PPP2R2B: variants seen among roughly 807,000 people sequenced by gnomAD.
PPP2R2B encodes serine/threonine-protein phosphatase 2A 55 kDa regulatory subunit B beta isoform.
A neutral mutation model predicts 46.0 loss-of-function variants in PPP2R2B; 5 were observed. The observed-to-expected ratio is 0.11, with a 90% confidence interval of 0.06 to 0.23. The LOEUF (loss-of-function observed/expected upper bound fraction) is 0.23. PPP2R2B is among the 10% of genes least tolerant of loss of function. The pLI is 1.00. For synonymous variants in PPP2R2B, 215 were observed against 206.7 expected (o/e 1.04, Z -0.34); for missense variants, 367 against 575.0 (o/e 0.64, Z 3.70).
At chr5:146,764,552 C>T (rs755528198) in intron 2 of PPP2R2B, among the ~76,000 whole-genome samples, 1 of 152,112 alleles carries the variant, frequency 6.6e-6, no homozygotes, top group Non-Finnish European at 1.5e-5. Context: ...CATCTCTCAG[C>T]TCTCATGCTC....
At chr5:146,637,822 G>C (rs760571741) in intron 7 of PPP2R2B, among the ~76,000 whole-genome samples, 1 of 152,012 alleles carries the variant, frequency 6.6e-6, no homozygotes, top group Non-Finnish European at 1.5e-5. Context: ...GTGCAGTACT[G>C]TGCAGGTTAC....
At chr5:146,967,785 C>T (rs1002014076) in intron 1 of PPP2R2B, among the ~76,000 whole-genome samples, 27 of 152,132 alleles carry the variant, frequency 1.8e-4, no homozygotes, top group Non-Finnish European at 1.0e-4. Flanking sequence ...TCCCAGCCTA[C>T]GGTTACTCTT....
chr5:146,911,466 T>G (rs895342743), intron 1 of PPP2R2B, among the ~76,000 whole-genome samples: 2 of 152,196 alleles, frequency 1.3e-5, no homozygotes, highest in African/African-American at 4.8e-5. Flanking sequence ...TGCCACTAGA[T>G]GCTAAGTTAG....
intron 2 of PPP2R2B, chr5:146,707,466 A>AGCT (rs1246810995): frequency 1.3e-6 from 1 of 754,764 alleles, no homozygotes. Context: ...CCACCCCGGA[A>AGCT]GCTGCTGCTG....
intron 1 of PPP2R2B, chr5:147,054,704 C>CA: frequency 2.2e-6 from 1 of 456,136 alleles, no homozygotes; most frequent in South Asian, 1.5e-5. Context: ...AGGCTGGTCG[C>CA]CAGCTCAGTT....
chr5:147,077,274 A>G (rs1227393515), intron 2 of PPP2R2B, among the ~76,000 whole-genome samples: 11 of 90,338 alleles, frequency 1.2e-4, no homozygotes, highest in African/African-American at 4.6e-4. Context: ...GTATGTGTGT[A>G]TACACACACA....
At chr5:146,860,618 G>A (rs1394204706) in intron 2 of PPP2R2B, among the ~76,000 whole-genome samples, 1 of 152,134 alleles carries the variant, frequency 6.6e-6, no homozygotes, top group East Asian at 1.9e-4. Flanking sequence ...CTAATCCACT[G>A]ACTAAACATT....
intron 1 of PPP2R2B, among the ~76,000 whole-genome samples, chr5:146,894,832 G>C (rs319177): frequency 0.49 from 74,252 of 151,966 alleles, 19,981 homozygotes; most frequent in East Asian, 0.7. Flanking sequence ...CCTAAATGTA[G>C]GTCAAGGATA....
chr5:146,763,630 A>G (rs2151257318), intron 2 of PPP2R2B, among the ~76,000 whole-genome samples: 1 of 152,338 alleles, frequency 6.6e-6, no homozygotes, highest in South Asian at 2.1e-4. Context: ...AGCTACAGCA[A>G]TTTAGGTTTC....
At chr5:146,852,126 G>C (rs1183798209) in intron 2 of PPP2R2B, among the ~76,000 whole-genome samples, 1 of 152,164 alleles carries the variant, frequency 6.6e-6, no homozygotes, top group Non-Finnish European at 1.5e-5. Context: ...CACAGAGAAA[G>C]GGGACCAATA....
At chr5:146,595,176 C>T (rs370529578) in intron 8 of PPP2R2B, among the ~76,000 whole-genome samples, 1 of 152,308 alleles carries the variant, frequency 6.6e-6, no homozygotes, top group East Asian at 1.9e-4. Context: ...CAAGGGAATA[C>T]CCCTACAGCA....
rs375660001 is a variant in PPP2R2B at position 146,590,742 on chromosome 5, C to T, written c.1053-516G>A. 2.2e-4 allele frequency among the ~76,000 whole-genome samples: 34 copies of T among 152,244 alleles called. No homozygotes were observed. In the South Asian group the frequency reaches 5.0e-3, roughly 22 times the overall value. ...GTGAGGGGAGAGATGCTAGTGGCAT[C>T]GTGCACGAACCCGGGGCGCGACCTC... is the stretch of plus-strand genomic sequence containing the variant. On this transcript the variant is annotated intron_variant, in intron 9 of 9. Coordinates refer to ENST00000394411, the MANE Select transcript of PPP2R2B (RefSeq NM_181675.4).
At chr5:146,632,251 A>T (rs915651672) in intron 7 of PPP2R2B, among the ~76,000 whole-genome samples, 1 of 152,174 alleles carries the variant, frequency 6.6e-6, no homozygotes, top group Admixed American at 6.5e-5. Flanking sequence ...GGCAGTGTAA[A>T]GACACAGGGA....
At chr5:146,972,069 T>C (rs1483431532) in intron 1 of PPP2R2B, among the ~76,000 whole-genome samples, 1 of 152,200 alleles carries the variant, frequency 6.6e-6, no homozygotes, top group African/African-American at 2.4e-5. Flanking sequence ...GTCTCCTTAG[T>C]CTCACCTGGT....
At chr5:146,932,517 C>G (rs755358514) in intron 1 of PPP2R2B, among the ~76,000 whole-genome samples, 1 of 152,158 alleles carries the variant, frequency 6.6e-6, no homozygotes, top group African/African-American at 2.4e-5. Context: ...TCTGCTGCCA[C>G]GTAAGACAGG....
intron 2 of PPP2R2B, among the ~76,000 whole-genome samples, chr5:146,818,748 A>G (rs1007498320): frequency 6.6e-6 from 1 of 152,192 alleles, no homozygotes; most frequent in African/African-American, 2.4e-5. Context: ...GGGATTTGAC[A>G]TTAACAGGTT....
At chr5:146,790,522 C>T (rs1166547375) in intron 2 of PPP2R2B, among the ~76,000 whole-genome samples, 1 of 152,088 alleles carries the variant, frequency 6.6e-6, no homozygotes, top group Non-Finnish European at 1.5e-5. Context: ...GCATTGGGAG[C>T]GCTTAATTAC....
intron 1 of PPP2R2B, among the ~76,000 whole-genome samples, chr5:147,055,083 C>G (rs1202519912): frequency 1.3e-5 from 2 of 152,210 alleles, no homozygotes; most frequent in Non-Finnish European, 2.9e-5. Context: ...AGCCTACCCT[C>G]TCTTTAAAGC....
At chr5:146,984,870 G>A (rs1014557964) in intron 1 of PPP2R2B, among the ~76,000 whole-genome samples, 1 of 151,864 alleles carries the variant, frequency 6.6e-6, no homozygotes, top group East Asian at 1.9e-4. Flanking sequence ...TGTATTACAT[G>A]CCTTCTTTTG....
Sources: gnomAD v4.1 joint callset for allele counts (sites outside exome capture counted in the v4.1 genomes callset) on GRCh38, gnomAD v4.1.1 for gene constraint, MANE v1.5 for transcripts, NCBI Gene and HGNC (gene_info 2026-07-23, HGNC 2026-07-21) for gene names.